Variants in PTPRG observed in about 807,000 individuals in gnomAD.
The protein encoded by PTPRG is receptor-type tyrosine-protein phosphatase gamma.
PTPRG carries 102 observed loss-of-function variants against 165.3 expected under a neutral mutation model. The observed-to-expected ratio is 0.62, with a 90% CI of 0.53 to 0.73. The LOEUF (loss-of-function observed/expected upper bound fraction) is 0.73. Among genes scored for constraint, PTPRG ranks in the 30% least tolerant of loss-of-function variants. The pLI is 0.00. For synonymous variants in PTPRG, 675 were observed against 669.5 expected (o/e 1.01, Z -0.13); for missense variants, 1,866 against 1,861.4 (o/e 1.00, Z -0.05).
chr3:61,727,046 CAAAA>C (rs35873334), intron 1 of PTPRG, among the ~76,000 whole-genome samples: 2 of 105,806 alleles, frequency 1.9e-5, no homozygotes. Context: ...GACTCCGTCT[CAAAA>C]AAAAAAAAAA....
chr3:61,739,070 C>A (rs1246566585), intron 1 of PTPRG: 2 of 138,564 alleles, frequency 1.4e-5, no homozygotes, highest in African/African-American at 5.4e-5. Context: ...AGCTCTCCTC[C>A]CTGGTTGGCC....
intron 1 of PTPRG, among the ~76,000 whole-genome samples, chr3:61,602,783 C>T (rs574619712): frequency 3.9e-5 from 6 of 152,166 alleles, no homozygotes; most frequent in Admixed American, 2.6e-4. Context: ...CTGCTTGTGC[C>T]GGCTGGTGAG....
intron 1 of PTPRG, among the ~76,000 whole-genome samples, chr3:61,617,992 G>C (rs892868491): frequency 3.7e-4 from 56 of 152,296 alleles, no homozygotes; most frequent in African/African-American, 1.1e-3. Flanking sequence ...AATTATAAAT[G>C]TGCAGGTACA....
intron 2 of PTPRG, among the ~76,000 whole-genome samples, chr3:61,833,228 A>G (rs1021763470): frequency 9.2e-5 from 14 of 152,148 alleles, no homozygotes; most frequent in Admixed American, 3.9e-4. Context: ...ATTGAATTCT[A>G]CATATGACCC....
At chr3:61,771,572 C>T (rs2034209077) in intron 2 of PTPRG, among the ~76,000 whole-genome samples, 1 of 152,116 alleles carries the variant, frequency 6.6e-6, no homozygotes. Context: ...TTGTGTTTTG[C>T]AGTTAAATTA....
At chr3:61,745,891 GATCTTCTTTGGTACAAAA>G (rs1392472657) in intron 1 of PTPRG, among the ~76,000 whole-genome samples, 1 of 152,160 alleles carries the variant, frequency 6.6e-6, no homozygotes, top group Non-Finnish European at 1.5e-5. Context: ...GTCATTTGAG[GATCTTCTTTGGTACAAAA>G]GACAGAAAAA....
intron 4 of PTPRG, among the ~76,000 whole-genome samples, chr3:62,046,661 AT>A (rs946542835): frequency 3.3e-5 from 5 of 150,168 alleles, no homozygotes; most frequent in South Asian, 2.1e-4. Context: ...TTAGGTGCTG[AT>A]TTTTTTTTTA....
At chr3:61,569,011 C>T (rs1022505592) in intron 1 of PTPRG, among the ~76,000 whole-genome samples, 1 of 152,064 alleles carries the variant, frequency 6.6e-6, no homozygotes, top group Non-Finnish European at 1.5e-5. Flanking sequence ...TGGAAGCCTC[C>T]CAAACGGAAT....
intron 4 of PTPRG, among the ~76,000 whole-genome samples, chr3:62,070,734 A>G (rs1274863949): frequency 6.6e-6 from 1 of 152,156 alleles, no homozygotes; most frequent in Non-Finnish European, 1.5e-5. Flanking sequence ...TGTCATCAAA[A>G]AAGCAGAACT....
At chr3:61,681,183 GCTT>G (rs1703430228) in intron 1 of PTPRG, among the ~76,000 whole-genome samples, 1 of 151,436 alleles carries the variant, frequency 6.6e-6, no homozygotes, top group African/African-American at 2.4e-5. Flanking sequence ...CTTGTGAAAA[GCTT>G]CTTTTCTTGC....
intron 1 of PTPRG, among the ~76,000 whole-genome samples, chr3:61,708,288 T>C (rs561433095): frequency 6.6e-6 from 1 of 152,014 alleles, no homozygotes; most frequent in Admixed American, 6.5e-5. Flanking sequence ...GAAGAGGGCA[T>C]GATGTTTTAG....
intron 1 of PTPRG, among the ~76,000 whole-genome samples, chr3:61,566,636 T>C (rs1372549455): frequency 6.6e-6 from 1 of 152,184 alleles, no homozygotes; most frequent in Non-Finnish European, 1.5e-5. Flanking sequence ...GCCTCCTGAG[T>C]AGCTGAGTCT....
chr3:62,183,440 T>A (rs530653681), intron 8 of PTPRG, among the ~76,000 whole-genome samples: 1 of 152,174 alleles, frequency 6.6e-6, no homozygotes, highest in Admixed American at 6.5e-5. Context: ...GGTGGGTACC[T>A]GTAATCTCAG....
At chr3:61,669,003 A>G (rs1005227462) in intron 1 of PTPRG, among the ~76,000 whole-genome samples, 4 of 152,206 alleles carry the variant, frequency 2.6e-5, no homozygotes, top group Non-Finnish European at 2.9e-5. Context: ...TGAACTTTAG[A>G]TAATATAGAA....
intron 1 of PTPRG, among the ~76,000 whole-genome samples, chr3:61,659,933 G>T (rs1470684690): frequency 6.6e-6 from 1 of 152,086 alleles, no homozygotes; most frequent in African/African-American, 2.4e-5. Flanking sequence ...GTATGAGAAA[G>T]AATGAAATTC....
intron 16 of PTPRG, among the ~76,000 whole-genome samples, chr3:62,261,348 C>A (rs776787667): frequency 6.6e-6 from 1 of 152,178 alleles, no homozygotes; most frequent in Non-Finnish European, 1.5e-5. Context: ...CAGGTCCCAA[C>A]GTGCTAAGTT....
At chr3:62,116,399 A>AT (rs1702871451) in intron 5 of PTPRG, among the ~76,000 whole-genome samples, 1 of 152,208 alleles carries the variant, frequency 6.6e-6, no homozygotes, top group Admixed American at 6.5e-5. Context: ...GTGATGCTTT[A>AT]TGCAACAGAA....
intron 14 of PTPRG, among the ~76,000 whole-genome samples, chr3:62,232,964 T>C (rs1490816263): frequency 2.6e-5 from 4 of 152,246 alleles, no homozygotes; most frequent in South Asian, 2.1e-4. Flanking sequence ...GAAGGGCCCA[T>C]AGGGCCTTAG....
At chr3:62,044,291 C>G (rs1468984993) in intron 4 of PTPRG, among the ~76,000 whole-genome samples, 3 of 152,216 alleles carry the variant, frequency 2.0e-5, no homozygotes, top group Non-Finnish European at 2.9e-5. Flanking sequence ...GTAATCCCAG[C>G]ACTTTGGGAG....
Sources: gnomAD v4.1 joint callset for allele counts (sites outside exome capture counted in the v4.1 genomes callset) on GRCh38, gnomAD v4.1.1 for gene constraint, MANE v1.5 for transcripts, NCBI Gene and HGNC (gene_info 2026-07-23, HGNC 2026-07-21) for gene names.